CYP2C19: variants seen among roughly 807,000 people sequenced by gnomAD.
CYP2C19 encodes cytochrome P450 family 2 subfamily C member 19.
In CYP2C19, 59 loss-of-function variants were observed where a neutral mutation model predicts 40.9. That is an observed-to-expected ratio of 1.44 (90% CI 1.17 to 1.79). The LOEUF (loss-of-function observed/expected upper bound fraction) is 1.79, where lower values mean the gene tolerates loss of function less well. Among genes scored for constraint, CYP2C19 ranks in the 40% most tolerant of loss-of-function variants. The pLI is 0.00. For missense variants in CYP2C19, 754 were observed against 596.9 expected (o/e 1.26, Z -2.74); for synonymous variants, 253 against 208.7 (o/e 1.21, Z -1.83).
chr10:94,816,743 A>AT (rs1438880806), intron 5 of CYP2C19, among the ~76,000 whole-genome samples: 1 of 116,842 alleles, frequency 8.6e-6, no homozygotes, highest in Non-Finnish European at 1.7e-5. Flanking sequence ...CCCACCCCAC[A>AT]TCAGTCCCCA....
At chr10:94,777,731 CAT>C (rs1431323774) in intron 3 of CYP2C19, among the ~76,000 whole-genome samples, 4 of 152,084 alleles carry the variant, frequency 2.6e-5, no homozygotes, top group Non-Finnish European at 4.4e-5. Flanking sequence ...CCATTCAGGA[CAT>C]AAGCATGGGC....
At chr10:94,850,999 T>A (rs532332479) in intron 8 of CYP2C19, among the ~76,000 whole-genome samples, 4 of 152,214 alleles carry the variant, frequency 2.6e-5, no homozygotes, top group Non-Finnish European at 4.4e-5. Context: ...TATGTGGCAC[T>A]GTAGATACCA....
chr10:94,831,185 ATGT>A (rs2134278048), intron 6 of CYP2C19, among the ~76,000 whole-genome samples: 1 of 152,234 alleles, frequency 6.6e-6, no homozygotes, highest in East Asian at 1.9e-4. Context: ...AATTTCATTC[ATGT>A]TGTTGCAAAT....
Position 94,771,449 on chromosome 10 carries a change from T to C in CYP2C19, c.169-3609T>C, listed in dbSNP as rs545909460. 3.6e-4 allele frequency among the ~76,000 whole-genome samples: 55 copies of C among 152,278 alleles called. 2 individuals carry two copies. In the South Asian group the frequency reaches 0.011, roughly 32 times the overall value. On this transcript the variant is annotated intron_variant, in intron 1 of 8. Coordinates refer to ENST00000371321, the MANE Select transcript of CYP2C19 (RefSeq NM_000769.4). ...GGTATTTCACTCCATTTGGCTTTCC[T>C]CTTACAGAAATGGTCAAGTTGCAGG...
At chr10:94,804,710 G>A (rs1848810474) in intron 5 of CYP2C19, among the ~76,000 whole-genome samples, 1 of 152,120 alleles carries the variant, frequency 6.6e-6, no homozygotes, top group African/African-American at 2.4e-5. Flanking sequence ...GCCATCATGA[G>A]GCTGTTTGTC....
chr10:94,854,682 T>C lies in CYP2C19; in HGVS notation c.*1768T>C, dbSNP rs1243508640. Among the ~76,000 whole-genome samples, 2 of 152,156 alleles carry C rather than the reference T, an allele frequency of 1.3e-5. No individual in the cohort carries two copies. The highest frequency in any genetic ancestry group is 2.9e-5 in the Non-Finnish European group (2 of 68,040). ...TATGTGCATTCACACATAATATATA[T>C]ATGTATAACTTATGCACACATACAT... On this transcript the variant is annotated 3_prime_UTR_variant, in exon 9 of 9. Transcript: ENST00000371321.
intron 5 of CYP2C19, among the ~76,000 whole-genome samples, chr10:94,817,207 T>A (rs1342238897): frequency 6.8e-6 from 1 of 146,566 alleles, no homozygotes; most frequent in Non-Finnish European, 1.5e-5. Context: ...AGTGTAAAAG[T>A]GTTCCCATTT....
chr10:94,826,033 CA>C (rs1849214760), intron 6 of CYP2C19, among the ~76,000 whole-genome samples: 1 of 150,022 alleles, frequency 6.7e-6, no homozygotes, highest in South Asian at 2.1e-4. Flanking sequence ...GTTTTGGTAC[CA>C]GTACCATGCT....
At chr10:94,845,945 A>G (rs540492101) in intron 7 of CYP2C19, among the ~76,000 whole-genome samples, 4 of 152,200 alleles carry the variant, frequency 2.6e-5, no homozygotes, top group Non-Finnish European at 4.4e-5. Context: ...ATATCTGTCT[A>G]TCCATCTATC....
rs1849700068 is a variant in CYP2C19, at chr10:94,854,251, T to A, written c.*1337T>A. ...CCAGGCTAGTCTTGAACTCCTGACC[T>A]CAAGTGATCCACCCACCTCAGCCTC... is the stretch of plus-strand genomic sequence containing the variant. On this transcript the variant is annotated 3_prime_UTR_variant, in exon 9 of 9. Transcript: ENST00000371321. Among the ~76,000 whole-genome samples, 1 of 151,822 alleles carries A rather than the reference T, an allele frequency of 6.6e-6. No homozygotes were observed. Among genetic ancestry groups the A allele is most frequent in the Non-Finnish European group, 1.5e-5 (1 of 67,936 alleles).
Position 94,852,337 on chromosome 10 carries a change from G to A in CYP2C19, c.1292-396G>A, listed in dbSNP as rs113295609. On this transcript the variant is annotated intron_variant, in intron 8 of 8. Coordinates refer to ENST00000371321, the MANE Select transcript of CYP2C19 (RefSeq NM_000769.4). ...AGCCAGAAATACAAAGGGAAATGCC[G>A]AATGTGAGCCTCCTCCCCTAAGCCC... Among the ~76,000 whole-genome samples the A allele has an allele frequency of 3.1e-3, 478 of 152,250 alleles. 3 individuals are homozygous for A. Among genetic ancestry groups the A allele is most frequent in the African/African-American group, 0.011 (452 of 41,560 alleles).
rs376745625 is a variant in CYP2C19, at chr10:94,813,906, T to C, written c.820-6590T>C. Among the ~76,000 whole-genome samples, 5 of 151,414 alleles carry C rather than the reference T, an allele frequency of 3.3e-5. No individual in the cohort carries two copies. The South Asian group carries it at 8.5e-4, about 26-fold the overall frequency. On this transcript the variant is annotated intron_variant, in intron 5 of 8. Coordinates refer to ENST00000371321, the MANE Select transcript of CYP2C19 (RefSeq NM_000769.4). The stretch of plus-strand genomic sequence containing the variant: ...GTTTTGTGCTTGAAACCCAGGGCCC[T>C]GGTGGTGTAGGCTCTGAAGGGAATC...
rs1848401582 is a variant in CYP2C19 at position 94,775,903 on chromosome 10, G to C, written c.481+364G>C. The C allele has an allele frequency of 2.3e-5, 7 of 301,356 alleles. No homozygotes were observed. In the South Asian group the frequency reaches 2.7e-4, roughly 11 times the overall value. The allele number at this position is 301,356 out of a possible 1,614,324, so 18.7% of individuals were successfully genotyped here. On this transcript the variant is annotated intron_variant, in intron 3 of 8. Transcript: ENST00000371321. ...CAGAACATGTCACCAGAGAATACTT[G>C]ACAAGTGGACATGGTGGAAATGGCC...
intron 5 of CYP2C19, among the ~76,000 whole-genome samples, chr10:94,783,996 C>T (rs80259168): frequency 3.9e-5 from 6 of 152,106 alleles, no homozygotes; most frequent in Admixed American, 1.3e-4. Flanking sequence ...CAACCATCAG[C>T]TTTCTCTGGT....
At position 94,853,631 on chromosome 10, in the gene CYP2C19, C is replaced by T. The variant is rs1371048382; in HGVS notation, c.*717C>T. ...TGCAATCTCGGCTCACTGTAACCTT[C>T]GCCTCCCAGGCTCAAGAGATTCTCC... On this transcript the variant is annotated 3_prime_UTR_variant, in exon 9 of 9. Coordinates refer to ENST00000371321, the MANE Select transcript of CYP2C19 (RefSeq NM_000769.4). Among the ~76,000 whole-genome samples the T allele has an allele frequency of 1.3e-5, 2 of 148,514 alleles. No individual in the cohort carries two copies. The highest frequency in any genetic ancestry group is 6.8e-5 in the Admixed American group (1 of 14,654).
intron 3 of CYP2C19, among the ~76,000 whole-genome samples, chr10:94,779,064 G>T (rs1000445588): frequency 1.3e-5 from 2 of 152,080 alleles, no homozygotes; most frequent in Admixed American, 6.6e-5. Context: ...GTTGAAAAAT[G>T]AGAACACATG....
intron 5 of CYP2C19, among the ~76,000 whole-genome samples, chr10:94,788,176 A>G (rs1268672671): frequency 6.6e-6 from 1 of 151,552 alleles, no homozygotes; most frequent in African/African-American, 2.4e-5. Context: ...GGCTTTCAGC[A>G]TGAACATTTT....
chr10:94,837,935 C>G (rs1045924215), intron 6 of CYP2C19, among the ~76,000 whole-genome samples: 1 of 152,172 alleles, frequency 6.6e-6, no homozygotes, highest in Non-Finnish European at 1.5e-5. Flanking sequence ...TCTACTTGGA[C>G]AATCTTTTTT....
At chr10:94,776,072 T>G (rs1003648866) in intron 3 of CYP2C19, 6 of 159,796 alleles carry the variant, frequency 3.8e-5, no homozygotes, top group African/African-American at 1.2e-4. Flanking sequence ...CATTCTACAG[T>G]TTTTATTGCT....
Sources: gnomAD v4.1 joint callset for allele counts (sites outside exome capture counted in the v4.1 genomes callset) on GRCh38, gnomAD v4.1.1 for gene constraint, MANE v1.5 for transcripts, NCBI Gene and HGNC (gene_info 2026-07-23, HGNC 2026-07-21) for gene names.